ARIH1: variants seen among roughly 807,000 people sequenced by gnomAD.
ARIH1 encodes ariadne RBR E3 ubiquitin protein ligase 1.
A neutral mutation model predicts 85.0 loss-of-function variants in ARIH1; 8 were observed. That is an observed-to-expected ratio of 0.09 (90% CI 0.06 to 0.17). The LOEUF (loss-of-function observed/expected upper bound fraction) is 0.17. Among genes scored for constraint, ARIH1 ranks in the 10% least tolerant of loss-of-function variants. ARIH1 has a pLI of 1.00. For missense variants in ARIH1, 311 were observed against 718.1 expected (o/e 0.43, Z 6.48); for synonymous variants, 238 against 253.6 (o/e 0.94, Z 0.59).
At position 72,489,391 on chromosome 15, in the gene ARIH1, G is replaced by A. The variant is rs146412055; in HGVS notation, c.375+14377G>A. On this transcript the variant is annotated intron_variant, in intron 1 of 13. Transcript: ENST00000379887. ...ATGTTCTGGCATTTGTGCTGATGTTGCAGGGCAATGAGGAGGTAAAACCAC... is the reference window on the plus strand; with the variant it reads ...ATGTTCTGGCATTTGTGCTGATGTTACAGGGCAATGAGGAGGTAAAACCAC... Among the ~76,000 whole-genome samples the A allele has an allele frequency of 1.5e-3, 227 of 152,192 alleles. 2 individuals carry two copies. Among genetic ancestry groups the A allele is most frequent in the Admixed American group, 5.2e-3 (79 of 15,272 alleles).
At chr15:72,561,866 G>A (rs1233873932) in intron 6 of ARIH1, among the ~76,000 whole-genome samples, 1 of 152,144 alleles carries the variant, frequency 6.6e-6, no homozygotes, top group African/African-American at 2.4e-5. Context: ...CGAGCTACTC[G>A]GGAGGCTGAG....
chr15:72,481,449 C>T (rs1365477574), intron 1 of ARIH1, among the ~76,000 whole-genome samples: 2 of 152,136 alleles, frequency 1.3e-5, no homozygotes, highest in African/African-American at 2.4e-5. Flanking sequence ...GTGGCTCACA[C>T]CTGTAATCCC....
At chr15:72,549,045 C>A (rs541215456) in intron 3 of ARIH1, among the ~76,000 whole-genome samples, 52 of 151,352 alleles carry the variant, frequency 3.4e-4, no homozygotes, top group African/African-American at 1.2e-3. Flanking sequence ...TGGCCCACCA[C>A]TGTGCTAGGA....
In ARIH1 at chr15:72,586,649, C is replaced by T. The variant is rs2064318219; in HGVS notation, c.*3357C>T. 6.6e-6 allele frequency: 1 copy of T among 152,526 alleles called. No homozygotes were observed. The highest frequency in any genetic ancestry group is 3.4e-3 in the Middle Eastern group (1 of 294). The allele number at this position is 152,526 out of a possible 1,614,324, so 9.4% of individuals were successfully genotyped here. A position where few individuals can be genotyped will look rare whatever the true frequency, so the allele number is the denominator to read the frequency against. On this transcript the variant is annotated 3_prime_UTR_variant, in exon 14 of 14. Coordinates refer to ENST00000379887, the MANE Select transcript of ARIH1 (RefSeq NM_005744.5). ...TTATGTGCCTTATTCACTGTTCCCA[C>T]TTAATATAAAATGTCAAAAATTGGT...
intron 1 of ARIH1, among the ~76,000 whole-genome samples, chr15:72,481,606 A>C (rs2140390926): frequency 6.6e-6 from 1 of 152,058 alleles, no homozygotes; most frequent in East Asian, 1.9e-4. Context: ...GAATTGCTTG[A>C]ACCTGGGAAT....
At chr15:72,493,841 G>T (rs956180895) in intron 1 of ARIH1, among the ~76,000 whole-genome samples, 5 of 151,838 alleles carry the variant, frequency 3.3e-5, no homozygotes, top group Non-Finnish European at 7.4e-5. Context: ...GTCTTAGTAT[G>T]CTAAGAGTGA....
At chr15:72,554,312 G>A (rs923940186) in intron 3 of ARIH1, among the ~76,000 whole-genome samples, 1 of 152,110 alleles carries the variant, frequency 6.6e-6, no homozygotes, top group Non-Finnish European at 1.5e-5. Context: ...CAAAGTTGCT[G>A]TACCATTTTA....
intron 1 of ARIH1, among the ~76,000 whole-genome samples, chr15:72,483,999 C>T (rs754740474): frequency 4.0e-5 from 6 of 149,670 alleles, no homozygotes; most frequent in Non-Finnish European, 8.9e-5. Flanking sequence ...GGCGAAACCC[C>T]GTCTCTACTA....
rs1350115203 is a variant in ARIH1 at position 72,582,703 on chromosome 15, T to C, written c.1590-505T>C. Among the ~76,000 whole-genome samples, 3 of 152,100 alleles carry C rather than the reference T, an allele frequency of 2.0e-5. No individual in the cohort carries two copies. The highest frequency in any genetic ancestry group is 2.0e-4 in the Admixed American group (3 of 15,262). On this transcript the variant is annotated intron_variant, in intron 13 of 13. Transcript: ENST00000379887. This position sits in a 1 kb window ranked among gnomAD's most constrained non-coding sequence, Gnocchi z 4.6. ...TGTTTTATTTCTCAACATGAAGCTC[T>C]TTCTCCCAAAGTGACAAATGCTAGT...
chr15:72,520,814 A>G (rs1000513401), intron 2 of ARIH1, among the ~76,000 whole-genome samples: 1 of 151,826 alleles, frequency 6.6e-6, no homozygotes, highest in Non-Finnish European at 1.5e-5. Context: ...CCTTGTCCCT[A>G]TCAGCTTGAT....
At position 72,496,083 on chromosome 15, in the gene ARIH1, A is replaced by T. The variant is rs541633841; in HGVS notation, c.375+21069A>T. 7.3e-5 allele frequency among the ~76,000 whole-genome samples: 11 copies of T among 151,342 alleles called. No individual in the cohort carries two copies. The South Asian group carries it at 1.5e-3, about 20-fold the overall frequency. Reference sequence around the variant, plus strand: ...ACACCACCACACCTAATTAAAAAAAATTTTTTTTTGGAGATGGGGTCTGTT... The same window carrying T: ...ACACCACCACACCTAATTAAAAAAATTTTTTTTTTGGAGATGGGGTCTGTT... On this transcript the variant is annotated intron_variant, in intron 1 of 13. Coordinates refer to ENST00000379887, the MANE Select transcript of ARIH1 (RefSeq NM_005744.5).
At chr15:72,517,798 C>T (rs561748223) in intron 1 of ARIH1, among the ~76,000 whole-genome samples, 1 of 151,988 alleles carries the variant, frequency 6.6e-6, no homozygotes, top group Non-Finnish European at 1.5e-5. Flanking sequence ...AAGACAGCGC[C>T]GGATTTACTA....
chr15:72,477,402 T>C (rs2063798889), intron 1 of ARIH1, among the ~76,000 whole-genome samples: 1 of 152,268 alleles, frequency 6.6e-6, no homozygotes, highest in South Asian at 2.1e-4. Context: ...GAGAGCTTAC[T>C]GTTAACTCTT....
rs535261674 is a variant in ARIH1 at position 72,498,961 on chromosome 15, A to ATTTTTTTT, written c.376-19076_376-19069dup. Among the ~76,000 whole-genome samples the ATTTTTTTT allele has an allele frequency of 8.6e-4, 76 of 88,428 alleles. 4 individuals are homozygous for ATTTTTTTT. Among genetic ancestry groups the ATTTTTTTT allele is most frequent in the Admixed American group, 1.8e-3 (14 of 7,786 alleles). 58.0% of individuals were successfully genotyped at this position (88,428 alleles called of 152,430 possible). ...TTATGTCGTTTGCACCTTTTCATAA[A>ATTTTTTTT]TTTTTTTTTTTTTTTTTTTTTTTTT... On this transcript the variant is annotated intron_variant, in intron 1 of 13. Transcript: ENST00000379887.
intron 2 of ARIH1, among the ~76,000 whole-genome samples, chr15:72,520,754 T>G (rs1042095109): frequency 1.3e-5 from 2 of 152,336 alleles, no homozygotes; most frequent in African/African-American, 4.8e-5. Context: ...TTTTAATCCA[T>G]CCTCTGTACA....
rs1273651693 is a variant in ARIH1 at position 72,595,486 on chromosome 15, TTTTG to T, written c.*12198_*12201del. 6.6e-6 allele frequency: 1 copy of T among 152,024 alleles called. No homozygotes were observed. 9.4% of individuals were successfully genotyped at this position (152,024 alleles called of 1,614,324 possible). Reference sequence around the variant, plus strand: ...ACCACACTTGGCTCTCATGGACTGTTTTTGTTTTTGTTTTGAGACAGGGTCTCTG... The same window carrying T: ...ACCACACTTGGCTCTCATGGACTGTTTTTTTGTTTTGAGACAGGGTCTCTG... On this transcript the variant is annotated 3_prime_UTR_variant, in exon 14 of 14. Coordinates refer to ENST00000379887, the MANE Select transcript of ARIH1 (RefSeq NM_005744.5).
At chr15:72,527,084 A>G (rs1449494559) in intron 2 of ARIH1, among the ~76,000 whole-genome samples, 1 of 152,152 alleles carries the variant, frequency 6.6e-6, no homozygotes, top group Non-Finnish European at 1.5e-5. Flanking sequence ...TTCATCTGTC[A>G]TATCTTGAAC....
rs1014599635 is a variant in ARIH1, at chr15:72,601,932, T to C, written c.*18640T>C. On this transcript the variant is annotated 3_prime_UTR_variant, in exon 14 of 14. Coordinates refer to ENST00000379887, the MANE Select transcript of ARIH1 (RefSeq NM_005744.5). ...ATTATGTATATAATATTCCTCTTTA[T>C]TTTTGCCTTTTTATTAATACAGATA... is the stretch of plus-strand genomic sequence containing the variant. The C allele has an allele frequency of 9.2e-5, 14 of 152,222 alleles. No homozygotes were observed. Among genetic ancestry groups the C allele is most frequent in the African/African-American group, 2.9e-4 (12 of 41,462 alleles). The allele number at this position is 152,222 out of a possible 1,614,324, so 9.4% of individuals were successfully genotyped here. A position where few individuals can be genotyped will look rare whatever the true frequency, so the allele number is the denominator to read the frequency against.
At chr15:72,527,291 C>G (rs941582974) in intron 2 of ARIH1, among the ~76,000 whole-genome samples, 4 of 152,198 alleles carry the variant, frequency 2.6e-5, no homozygotes, top group African/African-American at 7.2e-5. Context: ...GGTATCACTG[C>G]TGATAACATC....
Sources: gnomAD v4.1 joint callset for allele counts (sites outside exome capture counted in the v4.1 genomes callset) on GRCh38, gnomAD v4.1.1 for gene constraint, Gnocchi (gnomAD v3.1) non-coding constraint, MANE v1.5 for transcripts, NCBI Gene and HGNC (gene_info 2026-07-23, HGNC 2026-07-21) for gene names.